The following FBXW11 variants were observed in gnomAD, a reference collection of about 807,000 sequenced individuals.
FBXW11 encodes the protein F-box/WD repeat-containing protein 11.
Under a neutral mutation model 77.6 loss-of-function variants are expected in FBXW11, and 19 were observed. The ratio of observed to expected loss-of-function variants is 0.24; its 90% CI spans 0.17 to 0.36. The LOEUF (loss-of-function observed/expected upper bound fraction) is 0.36. Among genes scored for constraint, FBXW11 ranks in the 10% least tolerant of loss-of-function variants. The probability of loss-of-function intolerance (pLI) is 1.00; values close to 1 mark genes in which losing one functional copy is unlikely to be tolerated. For synonymous variants in FBXW11, 235 were observed against 249.4 expected, an observed-to-expected ratio of 0.94 and a Z score of 0.54; for missense variants, 334 against 704.2, an observed-to-expected ratio of 0.47 and a Z score of 5.95.
chr5:171,992,195 C>T (rs1765775595), intron 1 of FBXW11, among the ~76,000 whole-genome samples: 1 of 151,304 alleles, frequency 6.6e-6, no homozygotes, highest in Non-Finnish European at 1.5e-5. Context: ...TTTTGGAGGC[C>T]AAGGCAGGCA....
intron 2 of FBXW11, among the ~76,000 whole-genome samples, chr5:171,922,002 T>A (rs917680408): frequency 6.8e-6 from 1 of 146,062 alleles, no homozygotes; most frequent in Non-Finnish European, 1.5e-5. Flanking sequence ...GCTTCCCAAG[T>A]CACTGGGATT....
chr5:171,998,361 G>A (rs1412207597), intron 1 of FBXW11, among the ~76,000 whole-genome samples: 1 of 99,730 alleles, frequency 1.0e-5, no homozygotes, highest in Non-Finnish European at 1.7e-5. Context: ...TTTAAGTAGA[G>A]ACAGGGTTTC....
chr5:172,004,465 T>C (rs1766603829), intron 1 of FBXW11, among the ~76,000 whole-genome samples: 1 of 152,242 alleles, frequency 6.6e-6, no homozygotes, highest in Non-Finnish European at 1.5e-5. Flanking sequence ...ACTTTTTAAG[T>C]TATAAGCATA....
chr5:171,893,371 T>C (rs911026475), intron 6 of FBXW11, among the ~76,000 whole-genome samples: 3 of 128,984 alleles, frequency 2.3e-5, no homozygotes, highest in Admixed American at 2.0e-4. Flanking sequence ...TGGGTCATCA[T>C]CTCTAGTGAC....
intron 4 of FBXW11, among the ~76,000 whole-genome samples, chr5:171,906,318 A>G (rs1228961696): frequency 6.6e-6 from 1 of 152,232 alleles, no homozygotes; most frequent in Non-Finnish European, 1.5e-5. Context: ...GCTAACAGCA[A>G]CAGTCCCTCA....
At chr5:171,880,450 G>A (rs183117107) in intron 7 of FBXW11, among the ~76,000 whole-genome samples, 5 of 152,244 alleles carry the variant, frequency 3.3e-5, no homozygotes, top group East Asian at 3.9e-4. Context: ...CAGTCAGCTG[G>A]TAGATATCCA....
chr5:171,989,418 T>C (rs1765616847), intron 1 of FBXW11, among the ~76,000 whole-genome samples: 1 of 152,238 alleles, frequency 6.6e-6, no homozygotes, highest in Non-Finnish European at 1.5e-5. Flanking sequence ...TAACCCGTCA[T>C]TAAGTGCCTC....
At position 171,862,722 on chromosome 5, in the gene FBXW11, AGAT is replaced by A. The variant is rs757150046; in HGVS notation, c.*1402_*1404del. 2.6e-5 allele frequency: 4 copies of A among 152,510 alleles called. No individual in the cohort carries two copies. Among genetic ancestry groups the A allele is most frequent in the African/African-American group, 7.2e-5 (3 of 41,458 alleles). The allele number at this position is 152,510 out of a possible 1,614,324, so 9.4% of individuals were successfully genotyped here. A position where few individuals can be genotyped will look rare whatever the true frequency, so the allele number is the denominator to read the frequency against. ...GGGCCACAGCAGCAGCTGACACCAG[AGAT>A]GACTGGGGTGGCATTCATGGGCTTG... is the stretch of plus-strand genomic sequence containing the variant. On this transcript the variant is annotated 3_prime_UTR_variant, in exon 14 of 14. Transcript: ENST00000517395.
intron 1 of FBXW11, among the ~76,000 whole-genome samples, chr5:171,995,148 GT>G (rs1361768150): frequency 1.3e-5 from 2 of 152,182 alleles, no homozygotes; most frequent in Non-Finnish European, 2.9e-5. Flanking sequence ...AAAAAGTCAT[GT>G]TTTCAAGAAT....
At chr5:171,930,130 T>C (rs965414490) in intron 2 of FBXW11, among the ~76,000 whole-genome samples, 5 of 152,246 alleles carry the variant, frequency 3.3e-5, no homozygotes, top group African/African-American at 9.6e-5. Flanking sequence ...AATCACATTA[T>C]GTATGAAAAT....
intron 6 of FBXW11, among the ~76,000 whole-genome samples, chr5:171,892,993 T>A (rs1473603053): frequency 6.6e-6 from 1 of 152,218 alleles, no homozygotes; most frequent in African/African-American, 2.4e-5. Flanking sequence ...TGTTACAATT[T>A]ACTGAAAGCT....
intron 6 of FBXW11, among the ~76,000 whole-genome samples, chr5:171,893,427 A>AG: frequency 7.3e-6 from 1 of 137,870 alleles, no homozygotes; most frequent in African/African-American, 2.8e-5. Context: ...AAACCAAAAA[A>AG]AAAAAAAAAA....
intron 1 of FBXW11, among the ~76,000 whole-genome samples, chr5:171,976,470 CAT>C (rs952306894): frequency 1.3e-5 from 2 of 152,108 alleles, no homozygotes; most frequent in African/African-American, 4.8e-5. Flanking sequence ...TTATGGATTG[CAT>C]ATGTCCTCCA....
chr5:171,861,637 A>T lies in FBXW11; in HGVS notation c.*2490T>A, dbSNP rs1196705704. ...CATGAAGCCAGATTAGGTGCACTGC[A>T]TAATACCCATACTCGATTTATTGAC... On this transcript the variant is annotated 3_prime_UTR_variant, in exon 14 of 14. Coordinates refer to ENST00000517395, the MANE Select transcript of FBXW11 (RefSeq NM_001378974.1). The T allele has an allele frequency of 1.3e-5, 2 of 152,654 alleles. No individual in the cohort carries two copies. Among genetic ancestry groups the T allele is most frequent in the East Asian group, 3.8e-4 (2 of 5,200 alleles). 9.5% of individuals were successfully genotyped at this position (152,654 alleles called of 1,614,324 possible). A position where few individuals can be genotyped will look rare whatever the true frequency, so the allele number is the denominator to read the frequency against.
chr5:171,876,591 C>A lies in FBXW11; in HGVS notation c.972-57G>T, dbSNP rs1758099618. ...TTATGGAGACAGCCAGGAAATGATT[C>A]TGGTATCTGAGCTCTGTCTGGGTCT... On this transcript the variant is annotated intron_variant, in intron 8 of 13. Coordinates refer to ENST00000517395, the MANE Select transcript of FBXW11 (RefSeq NM_001378974.1). This position sits in a 1 kb window ranked among gnomAD's most constrained non-coding sequence, Gnocchi z 4.2. 6.3e-7 allele frequency: 1 copy of A among 1,590,238 alleles called. No individual in the cohort carries two copies. The highest frequency in any genetic ancestry group is 8.6e-7 in the Non-Finnish European group (1 of 1,163,884).
At chr5:171,926,593 C>T (rs1298102476) in intron 2 of FBXW11, among the ~76,000 whole-genome samples, 1 of 152,264 alleles carries the variant, frequency 6.6e-6, no homozygotes, top group South Asian at 2.1e-4. Context: ...CCTCCTGCTC[C>T]GGCCACACGA....
intron 2 of FBXW11, among the ~76,000 whole-genome samples, chr5:171,926,293 C>T (rs1761885141): frequency 6.6e-6 from 1 of 152,158 alleles, no homozygotes; most frequent in African/African-American, 2.4e-5. Context: ...TCCTCATCCA[C>T]AAAACTGAGG....
chr5:171,960,740 G>A (rs944250036), intron 1 of FBXW11, among the ~76,000 whole-genome samples: 1 of 152,126 alleles, frequency 6.6e-6, no homozygotes, highest in Non-Finnish European at 1.5e-5. Context: ...TATTATCAAG[G>A]CTTTTTAACC....
At chr5:171,946,382 A>G (rs758116312) in intron 2 of FBXW11, among the ~76,000 whole-genome samples, 2 of 152,184 alleles carry the variant, frequency 1.3e-5, no homozygotes, top group Non-Finnish European at 2.9e-5. Context: ...AAGACATTCA[A>G]TGACCCCTCT....
Sources: gnomAD v4.1 joint callset for allele counts (sites outside exome capture counted in the v4.1 genomes callset) on GRCh38, gnomAD v4.1.1 for gene constraint, Gnocchi (gnomAD v3.1) non-coding constraint, MANE v1.5 for transcripts, NCBI Gene and HGNC (gene_info 2026-07-23, HGNC 2026-07-21) for gene names.